The following COL19A1 variants were observed in gnomAD, a reference collection of about 807,000 sequenced individuals.
COL19A1 encodes the protein collagen alpha-1(XIX) chain.
A neutral mutation model predicts 190.2 loss-of-function variants in COL19A1; 159 were observed. The observed-to-expected ratio is 0.84, with a 90% CI of 0.73 to 0.95. COL19A1 has a LOEUF of 0.95. COL19A1 is among the 40% of genes least tolerant of loss of function. COL19A1 has a pLI of 0.00. For missense variants in COL19A1, 1,418 were observed against 1,431.9 expected, an observed-to-expected ratio of 0.99 and a Z score of 0.16; for synonymous variants, 509 against 458.9, an observed-to-expected ratio of 1.11 and a Z score of -1.39.
intron 31 of COL19A1, among the ~76,000 whole-genome samples, chr6:70,154,320 G>A (rs540185877): frequency 6.6e-6 from 1 of 152,176 alleles, no homozygotes; most frequent in East Asian, 1.9e-4. Context: ...AGTTTTCCAT[G>A]GTGTATATGT....
intron 15 of COL19A1, among the ~76,000 whole-genome samples, chr6:70,075,643 TAGATA>T (rs1562147558): frequency 6.6e-6 from 1 of 152,180 alleles, no homozygotes; most frequent in Non-Finnish European, 1.5e-5. Flanking sequence ...GGCCATCCCT[TAGATA>T]AGGTTAAACA....
chr6:70,180,428 G>T, intron 43 of COL19A1, 33 bp from the exon 44 acceptor site: 2 of 1,613,972 alleles, frequency 1.2e-6, no homozygotes, highest in Non-Finnish European at 1.7e-6. Flanking sequence ...ACATTTGTTG[G>T]CAATTAATTT....
At chr6:70,001,258 T>C (rs1777246772) in intron 11 of COL19A1, among the ~76,000 whole-genome samples, 1 of 152,204 alleles carries the variant, frequency 6.6e-6, no homozygotes, top group African/African-American at 2.4e-5. Flanking sequence ...ATCATGCTGT[T>C]TTGGTTACTG....
intron 1 of COL19A1, among the ~76,000 whole-genome samples, chr6:69,871,360 T>C (rs1767810915): frequency 6.6e-6 from 1 of 152,204 alleles, no homozygotes; most frequent in Non-Finnish European, 1.5e-5. Flanking sequence ...CTGGTGGAGT[T>C]ACGTATGTAT....
chr6:70,102,298 A>C (rs1783688110), intron 16 of COL19A1, 76 bp downstream of exon 16: 1 of 1,070,246 alleles, frequency 9.3e-7, no homozygotes, highest in Non-Finnish European at 1.5e-6. Flanking sequence ...GGATTATTTT[A>C]CTCCCCTGTA....
chr6:70,016,046 A>G (rs1371081950), intron 11 of COL19A1, among the ~76,000 whole-genome samples: 1 of 2,154 alleles, frequency 4.6e-4, no homozygotes, highest in East Asian at 6.8e-3. Context: ...ATAAAAAATG[A>G]TGAGTTCATA....
At chr6:69,968,145 T>C (rs1420924417) in intron 11 of COL19A1, among the ~76,000 whole-genome samples, 1 of 152,188 alleles carries the variant, frequency 6.6e-6, no homozygotes, top group African/African-American at 2.4e-5. Context: ...ACTAATTTTA[T>C]ATGCCACCTT....
intron 35 of COL19A1, 55 bp downstream of exon 35, chr6:70,162,008 A>G: frequency 6.7e-7 from 1 of 1,483,430 alleles, no homozygotes; most frequent in Non-Finnish European, 9.1e-7. Context: ...GGTTTGATGC[A>G]AGGTGAATTA....
chr6:70,197,615 C>A (rs1395704234), intron 48 of COL19A1, among the ~76,000 whole-genome samples: 2 of 151,976 alleles, frequency 1.3e-5, no homozygotes, highest in Non-Finnish European at 2.9e-5. Flanking sequence ...ATATTAATTA[C>A]CTATTTGTTT....
chr6:70,106,479 G>A (rs1179519436), intron 16 of COL19A1, among the ~76,000 whole-genome samples: 1 of 152,100 alleles, frequency 6.6e-6, no homozygotes, highest in East Asian at 1.9e-4. Flanking sequence ...TTATCTTTGT[G>A]AATCAGTGTT....
intron 18 of COL19A1, chr6:70,130,979 A>G (rs1562203424): frequency 2.3e-6 from 1 of 440,116 alleles, no homozygotes; most frequent in South Asian, 1.7e-5. Context: ...TGGTTTAACC[A>G]AATAATTATT....
intron 9 of COL19A1, among the ~76,000 whole-genome samples, chr6:69,954,938 C>A (rs944440214): frequency 3.3e-5 from 5 of 152,110 alleles, no homozygotes; most frequent in Non-Finnish European, 7.4e-5. Context: ...ACTGCTATAT[C>A]ATTGTCCTCA....
At chr6:70,132,651 AAAGC>A (rs1785594436) in intron 18 of COL19A1, among the ~76,000 whole-genome samples, 1 of 152,180 alleles carries the variant, frequency 6.6e-6, no homozygotes. Context: ...AATCACGTGG[AAAGC>A]TTTGACAAAA....
intron 15 of COL19A1, among the ~76,000 whole-genome samples, chr6:70,089,423 T>TC (rs1373984394): frequency 6.6e-6 from 1 of 152,156 alleles, no homozygotes; most frequent in African/African-American, 2.4e-5. Context: ...TGGCATTATT[T>TC]CCCATAAGAT....
chr6:70,151,794 C>A (rs1787076825), intron 31 of COL19A1, among the ~76,000 whole-genome samples: 1 of 152,076 alleles, frequency 6.6e-6, no homozygotes, highest in Non-Finnish European at 1.5e-5. Flanking sequence ...TGTTGACTCA[C>A]CCTGGCTCAC....
intron 4 of COL19A1, among the ~76,000 whole-genome samples, chr6:69,913,080 C>A (rs1021478902): frequency 6.6e-6 from 1 of 151,998 alleles, no homozygotes. Flanking sequence ...CAGAGTGAGA[C>A]CCTGTCTCAA....
intron 25 of COL19A1, 103 bp downstream of exon 25, chr6:70,145,110 G>A: frequency 2.4e-6 from 2 of 850,856 alleles, no homozygotes; most frequent in East Asian, 2.7e-5. Flanking sequence ...GTTTAGGTCT[G>A]CAAAAAAAGG....
chr6:69,894,120 AC>A (rs1360042515), intron 2 of COL19A1, among the ~76,000 whole-genome samples: 1 of 152,240 alleles, frequency 6.6e-6, no homozygotes, highest in Admixed American at 6.5e-5. Context: ...GGGCTGTGTC[AC>A]AGGCCACGGT....
chr6:70,172,526 T>C (rs1245349230), intron 41 of COL19A1, among the ~76,000 whole-genome samples: 2 of 152,110 alleles, frequency 1.3e-5, no homozygotes, highest in Non-Finnish European at 2.9e-5. Flanking sequence ...TACTACTCAA[T>C]GTATAGCCAG....
Sources: gnomAD v4.1 joint callset for allele counts (sites outside exome capture counted in the v4.1 genomes callset) on GRCh38, gnomAD v4.1.1 for gene constraint, MANE v1.5 for transcripts, NCBI Gene and HGNC (gene_info 2026-07-23, HGNC 2026-07-21) for gene names.